Variants in GABRB1 observed in about 807,000 individuals in gnomAD.
GABRB1 encodes gamma-aminobutyric acid type A receptor subunit beta1.
GABRB1 carries 17 observed loss-of-function variants against 51.6 expected under a neutral mutation model. That is an observed-to-expected ratio of 0.33 (90% CI 0.23 to 0.49). The LOEUF (loss-of-function observed/expected upper bound fraction) is 0.49, where lower values mean the gene tolerates loss of function less well. Ranked by LOEUF, GABRB1 falls within the 20% of genes least tolerant of loss-of-function variation. GABRB1 has a pLI of 0.99. For synonymous variants in GABRB1, 247 were observed against 218.9 expected, an observed-to-expected ratio of 1.13 and a Z score of -1.14; for missense variants, 410 against 600.6, an observed-to-expected ratio of 0.68 and a Z score of 3.32.
chr4:47,161,316 C>T lies in GABRB1; in HGVS notation c.308C>T (p.Pro103Leu). 1.2e-6 allele frequency: 2 copies of T among 1,612,454 alleles called. No individual in the cohort carries two copies. The highest frequency in any genetic ancestry group is 1.7e-6 in the Non-Finnish European group (2 of 1,179,146). Residue 103 changes from proline (P) to leucine (L), a missense_variant, in exon 4 of 9, where the codon CCA becomes CTA. Physicochemically the swap from Pro to Leu is moderately conservative, Grantham distance 98 (BLOSUM62 -3). Coordinates refer to ENST00000295454, the MANE Select transcript of GABRB1 (RefSeq NM_000812.4). ...AAAAGGCTTTCTTATTCTGGAATCCCACTGAACCTCACCCTAGACAATAGG... is the reference window on the plus strand; with the variant it reads ...AAAAGGCTTTCTTATTCTGGAATCCTACTGAACCTCACCCTAGACAATAGG... ...KDKRLSYSGI[P>L]LNLTLDNRVA...
chr4:47,266,156 A>G (rs1476391171), intron 4 of GABRB1, among the ~76,000 whole-genome samples: 2 of 152,156 alleles, frequency 1.3e-5, no homozygotes, highest in Non-Finnish European at 2.9e-5. Flanking sequence ...TTCTCTGCAT[A>G]TGACTATCTA....
At chr4:47,083,943 T>C (rs1366569611) in intron 3 of GABRB1, among the ~76,000 whole-genome samples, 1 of 152,068 alleles carries the variant, frequency 6.6e-6, no homozygotes, top group African/African-American at 2.4e-5. Flanking sequence ...ACTCCAGTCT[T>C]CTATCCCCTG....
Position 47,289,530 on chromosome 4 carries a change from C to G in GABRB1, c.462-30597C>G, listed in dbSNP as rs142000470. On this transcript the variant is annotated intron_variant, in intron 4 of 8. Transcript: ENST00000295454. ...GGAAAATTAGTCTAACTCCACCAAA[C>G]AGAATTTCTTTTTCTATTTGGTATT... Among the ~76,000 whole-genome samples the G allele has an allele frequency of 2.5e-3, 382 of 152,320 alleles. 1 individual carries two copies. Among genetic ancestry groups the G allele is most frequent in the African/African-American group, 8.8e-3 (367 of 41,568 alleles).
intron 3 of GABRB1, among the ~76,000 whole-genome samples, chr4:47,114,134 C>T (rs1167644835): frequency 1.3e-5 from 2 of 152,154 alleles, no homozygotes; most frequent in South Asian, 2.1e-4. Flanking sequence ...GCGTTATTCC[C>T]GACCATCTAC....
intron 5 of GABRB1, among the ~76,000 whole-genome samples, chr4:47,342,501 T>C (rs1725935260): frequency 6.6e-6 from 1 of 152,198 alleles, no homozygotes. Context: ...GTCATTACAG[T>C]TGAAAGACCA....
At chr4:47,019,917 T>C (rs865821987) in intron 1 of GABRB1, among the ~76,000 whole-genome samples, 2 of 101,250 alleles carry the variant, frequency 2.0e-5, no homozygotes, top group Admixed American at 9.4e-5. Flanking sequence ...TATATGTATA[T>C]GTATACGTAT....
chr4:47,406,589 T>C, intron 7 of GABRB1, 93 bp from the exon 8 acceptor site: 1 of 1,496,166 alleles, frequency 6.7e-7, no homozygotes, highest in Non-Finnish European at 9.2e-7. Context: ...GGGGCACCAA[T>C]AAGGAAGTGG....
chr4:47,000,253 A>G (rs1335706587), intron 1 of GABRB1, among the ~76,000 whole-genome samples: 1 of 152,226 alleles, frequency 6.6e-6, no homozygotes, highest in Non-Finnish European at 1.5e-5. Context: ...GCATGAAAAA[A>G]TTAATAACAA....
intron 2 of GABRB1, 123 bp downstream of exon 2, chr4:47,032,128 GCACACACACA>G (rs72109821): frequency 1.4e-5 from 8 of 583,570 alleles, no homozygotes; most frequent in Admixed American, 2.9e-5. Flanking sequence ...TATACCCTGG[GCACACACACA>G]CACACACACA....
intron 3 of GABRB1, among the ~76,000 whole-genome samples, chr4:47,108,108 C>T (rs1441856012): frequency 6.6e-6 from 1 of 151,998 alleles, no homozygotes; most frequent in Non-Finnish European, 1.5e-5. Flanking sequence ...TTTATATTCA[C>T]AACATGTTAT....
intron 4 of GABRB1, among the ~76,000 whole-genome samples, chr4:47,261,888 G>A (rs895233737): frequency 9.2e-5 from 14 of 151,882 alleles, no homozygotes; most frequent in African/African-American, 1.7e-4. Context: ...AAATAACGCC[G>A]CATATCTACA....
upstream of GABRB1, among the ~76,000 whole-genome samples, chr4:47,027,821 C>A (rs1725149519): frequency 6.6e-6 from 1 of 151,600 alleles, no homozygotes; most frequent in African/African-American, 2.4e-5. Context: ...ACTTTTCTAA[C>A]AATGAGTGAT....
intron 4 of GABRB1, among the ~76,000 whole-genome samples, chr4:47,294,465 T>G (rs1260907620): frequency 5.9e-5 from 9 of 152,252 alleles, no homozygotes; most frequent in Non-Finnish European, 1.5e-5. Context: ...AACCCGCACG[T>G]GGCTCGGAGG....
chr4:47,232,080 T>TG, intron 4 of GABRB1, among the ~76,000 whole-genome samples: 1 of 152,276 alleles, frequency 6.6e-6, no homozygotes, highest in African/African-American at 2.4e-5. Context: ...ATCCAATATA[T>TG]TAAAGTTAAC....
intron 5 of GABRB1, among the ~76,000 whole-genome samples, chr4:47,389,706 C>A (rs1727921338): frequency 6.6e-6 from 1 of 152,186 alleles, no homozygotes; most frequent in South Asian, 2.1e-4. Context: ...TTATGCACAT[C>A]TGGAGCCACT....
intron 1 of GABRB1, among the ~76,000 whole-genome samples, chr4:47,021,803 C>T (rs1724936520): frequency 6.6e-6 from 1 of 151,964 alleles, no homozygotes; most frequent in Admixed American, 6.6e-5. Flanking sequence ...AGTTACTTTT[C>T]CCATCTGCTC....
chr4:47,161,733 G>C (rs931207528), intron 4 of GABRB1, among the ~76,000 whole-genome samples: 56 of 151,920 alleles, frequency 3.7e-4, no homozygotes, highest in Non-Finnish European at 1.3e-4. Context: ...TAAAGTGGTG[G>C]CTCTTTATTC....
intron 8 of GABRB1, among the ~76,000 whole-genome samples, chr4:47,410,965 G>C (rs2110059240): frequency 6.6e-6 from 1 of 152,282 alleles, no homozygotes; most frequent in East Asian, 1.9e-4. Flanking sequence ...TGATATGTTA[G>C]TCATATAACT....
At chr4:47,124,619 A>C (rs1038836991) in intron 3 of GABRB1, among the ~76,000 whole-genome samples, 4 of 152,236 alleles carry the variant, frequency 2.6e-5, no homozygotes, top group African/African-American at 7.2e-5. Context: ...CAGTGAAATC[A>C]GGAAAATAAT....
Sources: gnomAD v4.1 joint callset for allele counts (sites outside exome capture counted in the v4.1 genomes callset) on GRCh38, gnomAD v4.1.1 for gene constraint, MANE v1.5 for transcripts, NCBI Gene and HGNC (gene_info 2026-07-23, HGNC 2026-07-21) for gene names.